The following GMDS variants were observed in gnomAD, a reference collection of about 807,000 sequenced individuals.
GMDS encodes GDP-mannose 4,6 dehydratase.
In GMDS, 20 loss-of-function variants were observed where a neutral mutation model predicts 49.9. The ratio of observed to expected loss-of-function variants is 0.40; its 90% CI spans 0.28 to 0.58. The LOEUF (loss-of-function observed/expected upper bound fraction) is 0.58, where lower values mean the gene tolerates loss of function less well. Among genes scored for constraint, GMDS ranks in the 20% least tolerant of loss-of-function variants. The pLI, the probability that GMDS is intolerant of heterozygous loss-of-function variation, is 0.42. For missense variants in GMDS, 362 were observed against 481.4 expected, an observed-to-expected ratio of 0.75 and a Z score of 2.32; for synonymous variants, 177 against 178.6, an observed-to-expected ratio of 0.99 and a Z score of 0.07.
intron 4 of GMDS, among the ~76,000 whole-genome samples, chr6:2,066,268 C>T (rs1403632546): frequency 4.7e-5 from 7 of 149,316 alleles, no homozygotes; most frequent in South Asian, 2.2e-4. Context: ...CTGAAGAAAG[C>T]GCTAAACATG....
chr6:1,843,712 G>A (rs1421943291), intron 7 of GMDS, among the ~76,000 whole-genome samples: 6 of 152,340 alleles, frequency 3.9e-5, no homozygotes, highest in South Asian at 2.1e-4. Context: ...AGGTTGCGCT[G>A]AGCAGAGATC....
chr6:1,964,615 G>A (rs1764155967), intron 4 of GMDS, among the ~76,000 whole-genome samples: 1 of 152,120 alleles, frequency 6.6e-6, no homozygotes, highest in African/African-American at 2.4e-5. Flanking sequence ...CATAGAATAA[G>A]GAAGCTGTAC....
intron 4 of GMDS, among the ~76,000 whole-genome samples, chr6:2,061,498 C>T (rs1455636202): frequency 6.6e-6 from 1 of 152,050 alleles, no homozygotes; most frequent in Non-Finnish European, 1.5e-5. Flanking sequence ...GGTCGGATCA[C>T]TTGAGGCCAG....
intron 7 of GMDS, among the ~76,000 whole-genome samples, chr6:1,752,549 C>T (rs141226845): frequency 6.6e-6 from 1 of 152,146 alleles, no homozygotes; most frequent in Admixed American, 6.5e-5. Flanking sequence ...CACAAAGATA[C>T]TCCTCAAGAA....
intron 7 of GMDS, among the ~76,000 whole-genome samples, chr6:1,856,294 CACA>C (rs1757936456): frequency 1.3e-5 from 2 of 152,288 alleles, no homozygotes; most frequent in South Asian, 4.1e-4. Flanking sequence ...ACAGGCTTGC[CACA>C]ACGTCACAGA....
At chr6:1,728,617 C>T (rs963252665) in intron 8 of GMDS, among the ~76,000 whole-genome samples, 1 of 152,206 alleles carries the variant, frequency 6.6e-6, no homozygotes, top group Non-Finnish European at 1.5e-5. Context: ...CACACAAACA[C>T]ACACACATAT....
At position 2,168,885 on chromosome 6, in the gene GMDS, AAAG is replaced by A. The variant is rs1561626262; in HGVS notation, c.103-44157_103-44155del. Among the ~76,000 whole-genome samples, 7 of 152,260 alleles carry A rather than the reference AAAG, an allele frequency of 4.6e-5. 1 individual carries two copies. The South Asian group carries it at 1.2e-3, about 27-fold the overall frequency. ...GTATTTCTAAGTCCTTACAGCCAAC[AAAG>A]AACAAAAAACTCCACTGGTATTTAA... On this transcript the variant is annotated intron_variant, in intron 1 of 10. Transcript: ENST00000380815.
Position 1,794,225 on chromosome 6 carries a change from A to G in GMDS, c.772-51639T>C, listed in dbSNP as rs187062378. On this transcript the variant is annotated intron_variant, in intron 7 of 10. Transcript: ENST00000380815. ...ATAAACCCATGAAGATTTCCAGTTAAATAATTGCATTCCAAATCCCATTTA... is the reference window on the plus strand; with the variant it reads ...ATAAACCCATGAAGATTTCCAGTTAGATAATTGCATTCCAAATCCCATTTA... Among the ~76,000 whole-genome samples, 468 of 152,322 alleles carry G rather than the reference A, an allele frequency of 3.1e-3. 2 individuals are homozygous for G. Among genetic ancestry groups the G allele is most frequent in the South Asian group, 0.012 (56 of 4,826 alleles).
chr6:2,092,644 G>A (rs933941387), intron 4 of GMDS, among the ~76,000 whole-genome samples: 1 of 152,080 alleles, frequency 6.6e-6, no homozygotes. Context: ...GAGATTCTAT[G>A]GTACTAGAAA....
In GMDS at chr6:2,159,506, CTTTTTTTCTTTTTT is replaced by C. The variant is rs1481541836; in HGVS notation, c.103-34789_103-34776del. On this transcript the variant is annotated intron_variant, in intron 1 of 10. Coordinates refer to ENST00000380815, the MANE Select transcript of GMDS (RefSeq NM_001500.4). ...CTTTTTCTTAATTTTTTCAATATTT[CTTTTTTTCTTTTTT>C]TTTTTTTTTTTTTTTTGAGACAGAG... is the stretch of plus-strand genomic sequence containing the variant. 6.0e-3 allele frequency among the ~76,000 whole-genome samples: 807 copies of C among 134,926 alleles called. 2 individuals are homozygous for C. Among genetic ancestry groups the C allele is most frequent in the Middle Eastern group, 0.016 (4 of 244 alleles). The allele number at this position is 134,926 out of a possible 152,430, so 88.5% of individuals were successfully genotyped here.
intron 6 of GMDS, among the ~76,000 whole-genome samples, chr6:1,941,977 C>T (rs528353796): frequency 6.6e-6 from 1 of 152,292 alleles, no homozygotes; most frequent in South Asian, 2.1e-4. Flanking sequence ...GCTCCTACGC[C>T]GTGAACTGAG....
intron 7 of GMDS, among the ~76,000 whole-genome samples, chr6:1,917,096 C>T (rs1208501604): frequency 1.3e-5 from 2 of 152,184 alleles, no homozygotes; most frequent in Non-Finnish European, 2.9e-5. Context: ...GTTCCTCACA[C>T]TGGAGTGGTT....
chr6:1,919,868 A>G (rs1048967333), intron 7 of GMDS, among the ~76,000 whole-genome samples: 1 of 152,182 alleles, frequency 6.6e-6, no homozygotes, highest in Non-Finnish European at 1.5e-5. Context: ...TGGGCCATCA[A>G]TCAGAGTCAC....
intron 7 of GMDS, among the ~76,000 whole-genome samples, chr6:1,879,871 C>T (rs951065893): frequency 2.6e-5 from 4 of 151,974 alleles, no homozygotes; most frequent in African/African-American, 9.7e-5. Flanking sequence ...CATTTTTGAA[C>T]CCTGATACTG....
chr6:1,954,367 C>G (rs1010313797), intron 6 of GMDS, among the ~76,000 whole-genome samples: 2 of 152,210 alleles, frequency 1.3e-5, no homozygotes, highest in Non-Finnish European at 2.9e-5. Context: ...AAGGCTGGAG[C>G]GGCTGTGGCC....
intron 9 of GMDS, chr6:1,679,747 T>A (rs1764731542): frequency 6.6e-6 from 1 of 152,206 alleles, no homozygotes; most frequent in South Asian, 2.1e-4. Flanking sequence ...TCAAATAATA[T>A]CTTGAGCTCT....
chr6:1,804,466 T>G (rs1770085410), intron 7 of GMDS, among the ~76,000 whole-genome samples: 1 of 152,256 alleles, frequency 6.6e-6, no homozygotes, highest in African/African-American at 2.4e-5. Context: ...CTCTGCTTTT[T>G]TCTTCCCCAC....
At chr6:2,218,369 T>C (rs1417857322) in intron 1 of GMDS, among the ~76,000 whole-genome samples, 1 of 152,130 alleles carries the variant, frequency 6.6e-6, no homozygotes, top group Admixed American at 6.5e-5. Context: ...TCCACAGAAA[T>C]TGCCTCCCTT....
chr6:1,737,640 C>T (rs890425496), intron 8 of GMDS, among the ~76,000 whole-genome samples: 1 of 147,054 alleles, frequency 6.8e-6, no homozygotes, highest in Non-Finnish European at 1.5e-5. Context: ...CACACGCACA[C>T]ATACATACAC....
Sources: allele counts gnomAD v4.1 joint callset (sites outside exome capture counted in the v4.1 genomes callset), GRCh38; gene constraint gnomAD v4.1.1; transcripts MANE v1.5; gene names NCBI Gene and HGNC (gene_info 2026-07-23, HGNC 2026-07-21).